SEMA6D: variants seen among roughly 807,000 people sequenced by gnomAD.
The protein encoded by SEMA6D is semaphorin 6D, also known as semaphorin-6D.
A neutral mutation model predicts 106.6 loss-of-function variants in SEMA6D; 35 were observed. The ratio of observed to expected loss-of-function variants is 0.33; its 90% CI spans 0.25 to 0.44. The LOEUF is 0.44. Ranked by LOEUF, SEMA6D falls within the 20% of genes least tolerant of loss-of-function variation. The pLI, the probability that SEMA6D is intolerant of heterozygous loss-of-function variation, is 1.00. For missense variants in SEMA6D, 1,185 were observed against 1,345.9 expected, an observed-to-expected ratio of 0.88 and a Z score of 1.87; for synonymous variants, 499 against 487.7, an observed-to-expected ratio of 1.02 and a Z score of -0.31.
intron 1 of SEMA6D, among the ~76,000 whole-genome samples, chr15:47,376,525 G>A (rs1051356203): frequency 4.6e-5 from 7 of 152,190 alleles, no homozygotes; most frequent in African/African-American, 9.7e-5. Flanking sequence ...CTTTCTAGCC[G>A]AGCACTAGTG....
chr15:47,708,998 CTT>C (rs1044124477), intron 4 of SEMA6D, among the ~76,000 whole-genome samples: 1 of 152,118 alleles, frequency 6.6e-6, no homozygotes, highest in Non-Finnish European at 1.5e-5. Context: ...ACTCTTAATC[CTT>C]TTTTCCCTAC....
rs752609201 is a variant in SEMA6D at position 47,761,404 on chromosome 15, A to G, written c.420A>G (p.Ala140=). ...TGGTTTTTGTTTGTGGTACCAATGC[A>G]TTCAATCCCATGTGTAGATACTACA... ...DEMVFVCGTN[A]FNPMCRYYRL... The change falls in exon 6 of 19, where the codon GCA becomes GCG. Residue 140 remains alanine, a synonymous_variant. Coordinates refer to ENST00000536845, the MANE Select transcript of SEMA6D (RefSeq NM_001358351.3). 1.2e-6 allele frequency: 2 copies of G among 1,613,032 alleles called. No individual in the cohort carries two copies. Among genetic ancestry groups the G allele is most frequent in the Non-Finnish European group, 1.7e-6 (2 of 1,179,440 alleles).
intron 1 of SEMA6D, among the ~76,000 whole-genome samples, chr15:47,728,895 GGACCAC>G (rs2079941745): frequency 6.6e-6 from 1 of 152,024 alleles, no homozygotes; most frequent in South Asian, 2.1e-4. Context: ...GGTTAGCTTC[GGACCAC>G]TCAGATAATC....
intron 4 of SEMA6D, among the ~76,000 whole-genome samples, chr15:47,638,762 C>T (rs947173110): frequency 1.3e-5 from 2 of 152,230 alleles, no homozygotes; most frequent in African/African-American, 2.4e-5. Flanking sequence ...CCGCATTTCT[C>T]GCTTTTGTCT....
chr15:47,644,131 A>T (rs991944734), intron 4 of SEMA6D, among the ~76,000 whole-genome samples: 2 of 151,580 alleles, frequency 1.3e-5, no homozygotes, highest in Admixed American at 6.6e-5. Flanking sequence ...TGAAATGGTT[A>T]AAAAAAAATC....
intron 2 of SEMA6D, among the ~76,000 whole-genome samples, chr15:47,451,106 A>T (rs921103241): frequency 6.6e-6 from 1 of 152,128 alleles, no homozygotes; most frequent in Non-Finnish European, 1.5e-5. Context: ...AGTGATGCAG[A>T]GGCTTTCCTG....
At chr15:47,415,807 G>A (rs184298585) in intron 2 of SEMA6D, among the ~76,000 whole-genome samples, 2 of 152,234 alleles carry the variant, frequency 1.3e-5, no homozygotes, top group African/African-American at 4.8e-5. Context: ...GCAAAGAACT[G>A]TTGATCACAC....
intron 1 of SEMA6D, among the ~76,000 whole-genome samples, chr15:47,362,065 T>G (rs2038831530): frequency 6.6e-6 from 1 of 152,220 alleles, no homozygotes; most frequent in Non-Finnish European, 1.5e-5. Flanking sequence ...TGTGGTCACC[T>G]TCTCTAAATT....
intron 4 of SEMA6D, among the ~76,000 whole-genome samples, chr15:47,673,947 A>G (rs1235476320): frequency 1.3e-5 from 2 of 151,924 alleles, no homozygotes; most frequent in Non-Finnish European, 2.9e-5. Flanking sequence ...ATGTCTTGAC[A>G]CCTCTGCTTC....
At chr15:47,189,163 TTC>T (rs1294718555) in intron 1 of SEMA6D, among the ~76,000 whole-genome samples, 1 of 152,152 alleles carries the variant, frequency 6.6e-6, no homozygotes, top group Non-Finnish European at 1.5e-5. Context: ...CCCTTTCTCT[TTC>T]TCTTTTCCTC....
intron 1 of SEMA6D, among the ~76,000 whole-genome samples, chr15:47,277,796 T>C (rs1384816003): frequency 1.3e-5 from 2 of 150,622 alleles, no homozygotes; most frequent in East Asian, 3.9e-4. Flanking sequence ...CAGAGTGTGA[T>C]GTTCCCCTTC....
At chr15:47,538,473 T>C (rs1283043320) in intron 3 of SEMA6D, among the ~76,000 whole-genome samples, 1 of 152,142 alleles carries the variant, frequency 6.6e-6, no homozygotes, top group Non-Finnish European at 1.5e-5. Flanking sequence ...AGTTAAAAAT[T>C]CAAACGAAGT....
chr15:47,461,251 A>G (rs1412424445), intron 2 of SEMA6D, among the ~76,000 whole-genome samples: 2 of 151,796 alleles, frequency 1.3e-5, no homozygotes, highest in Non-Finnish European at 2.9e-5. Flanking sequence ...ATCTCATCAC[A>G]CTGTCATTAT....
chr15:47,682,738 C>T (rs1210014850), intron 4 of SEMA6D, among the ~76,000 whole-genome samples: 2 of 152,206 alleles, frequency 1.3e-5, no homozygotes, highest in Non-Finnish European at 2.9e-5. Context: ...AATAGCACAA[C>T]TCTGCCAAGT....
At chr15:47,255,374 T>C (rs1216642085) in intron 1 of SEMA6D, among the ~76,000 whole-genome samples, 1 of 147,618 alleles carries the variant, frequency 6.8e-6, no homozygotes, top group African/African-American at 2.7e-5. Flanking sequence ...ATTTTACTTA[T>C]TTTTTTAAAA....
chr15:47,637,161 A>G (rs1231532200), intron 4 of SEMA6D, among the ~76,000 whole-genome samples: 1 of 152,194 alleles, frequency 6.6e-6, no homozygotes, highest in Admixed American at 6.5e-5. Flanking sequence ...TGATCTGAAC[A>G]CATTCTCTTC....
At chr15:47,384,321 CATG>C (rs1447190305) in intron 1 of SEMA6D, among the ~76,000 whole-genome samples, 1 of 152,228 alleles carries the variant, frequency 6.6e-6, no homozygotes, top group Admixed American at 6.5e-5. Context: ...TAGGCAGTCT[CATG>C]TTGTTTTGAG....
chr15:47,677,478 G>A (rs1007448457), intron 4 of SEMA6D, among the ~76,000 whole-genome samples: 1 of 152,182 alleles, frequency 6.6e-6, no homozygotes, highest in Non-Finnish European at 1.5e-5. Flanking sequence ...TTCAAGGAGA[G>A]AAGAATTAGC....
At chr15:47,739,541 C>T (rs948758315) in intron 1 of SEMA6D, among the ~76,000 whole-genome samples, 4 of 152,142 alleles carry the variant, frequency 2.6e-5, no homozygotes, top group Admixed American at 1.3e-4. Context: ...GCATGTGATA[C>T]ATCTCAAGAA....
Sources: allele counts gnomAD v4.1 joint callset (sites outside exome capture counted in the v4.1 genomes callset), GRCh38; gene constraint gnomAD v4.1.1; transcripts MANE v1.5; gene names NCBI Gene and HGNC (gene_info 2026-07-23, HGNC 2026-07-21).